Variants in WWOX observed in about 807,000 individuals in gnomAD.
WWOX encodes WW domain containing oxidoreductase.
A neutral mutation model predicts 46.2 loss-of-function variants in WWOX; 69 were observed. The observed-to-expected ratio is 1.49, with a 90% CI of 1.23 to 1.82. The LOEUF is 1.82. WWOX is among the 40% of genes most tolerant of loss of function. The probability of loss-of-function intolerance (pLI) is 0.00; values close to 1 mark genes in which losing one functional copy is unlikely to be tolerated. For missense variants in WWOX, 919 were observed against 542.6 expected (o/e 1.69, Z -6.89); for synonymous variants, 359 against 202.6 (o/e 1.77, Z -6.56).
intron 8 of WWOX, among the ~76,000 whole-genome samples, chr16:79,128,339 TAAA>T (rs5818202): frequency 6.8e-6 from 1 of 148,086 alleles, no homozygotes; most frequent in African/African-American, 2.5e-5. Context: ...AGCTAAGAGT[TAAA>T]AAAAAAATAG....
At chr16:78,773,134 G>A (rs1353910649) in intron 8 of WWOX, among the ~76,000 whole-genome samples, 3 of 152,206 alleles carry the variant, frequency 2.0e-5, no homozygotes, top group African/African-American at 4.8e-5. Context: ...GCTTCATGAG[G>A]GCAGGGGACT....
rs527884881 is a variant in WWOX, at chr16:78,618,339, C to A, written c.1056+185587C>A. Among the ~76,000 whole-genome samples the A allele has an allele frequency of 5.9e-5, 9 of 152,300 alleles. No individual in the cohort carries two copies. The East Asian group carries it at 1.7e-3, about 29-fold the overall frequency. The stretch of plus-strand genomic sequence containing the variant: ...CTTAAACAACAGGAATGTAGTTCCT[C>A]ACAGTTCTGGAGGTTGGGAGTCCTA... On this transcript the variant is annotated intron_variant, in intron 8 of 8. Transcript: ENST00000566780.
chr16:78,336,046 C>G (rs1048631284), intron 5 of WWOX, among the ~76,000 whole-genome samples: 5 of 151,940 alleles, frequency 3.3e-5, no homozygotes, highest in Middle Eastern at 3.4e-3. Flanking sequence ...GAGCCGAGAT[C>G]AGGCCACTGC....
chr16:78,210,800 A>G (rs968619499), intron 5 of WWOX, among the ~76,000 whole-genome samples: 11 of 152,168 alleles, frequency 7.2e-5, no homozygotes, highest in Non-Finnish European at 1.5e-4. Flanking sequence ...CCCAGTTATA[A>G]TTCTCCAAAG....
chr16:79,088,202 G>T (rs1360826555), intron 8 of WWOX, among the ~76,000 whole-genome samples: 1 of 152,180 alleles, frequency 6.6e-6, no homozygotes, highest in African/African-American at 2.4e-5. Context: ...GCTAGGCTCA[G>T]TCCACGGGGT....
At chr16:78,654,015 A>G (rs145288436) in intron 8 of WWOX, among the ~76,000 whole-genome samples, 9 of 152,356 alleles carry the variant, frequency 5.9e-5, no homozygotes, top group South Asian at 2.1e-4. Flanking sequence ...GGTCGTATCC[A>G]GCTTTGGGAA....
chr16:78,365,801 A>C (rs1396893227), intron 5 of WWOX, among the ~76,000 whole-genome samples: 1 of 152,210 alleles, frequency 6.6e-6, no homozygotes, highest in Admixed American at 6.5e-5. Flanking sequence ...GGCTCCCCCC[A>C]CCAAATTTCT....
At chr16:78,398,584 A>G (rs575857988) in intron 6 of WWOX, among the ~76,000 whole-genome samples, 17 of 152,312 alleles carry the variant, frequency 1.1e-4, no homozygotes, top group African/African-American at 4.1e-4. Context: ...ATCATTGTAC[A>G]TGGAATACTT....
At chr16:79,123,045 T>C (rs542500514) in intron 8 of WWOX, among the ~76,000 whole-genome samples, 14 of 152,332 alleles carry the variant, frequency 9.2e-5, no homozygotes, top group Admixed American at 8.5e-4. Context: ...ATGGGCCTTC[T>C]CCGCCTTCAA....
rs187493117 is a variant in WWOX at position 78,634,478 on chromosome 16, C to T, written c.1056+201726C>T. 5.3e-3 allele frequency among the ~76,000 whole-genome samples: 812 copies of T among 152,038 alleles called. 6 individuals are homozygous for T. The highest frequency in any genetic ancestry group is 8.6e-3 in the Non-Finnish European group (583 of 67,988). Reference sequence around the variant, plus strand: ...ATCCCAGCACTTTGGGAGGGCGAGGCGGGCAGATCACAAGGTCAGGAGTTC... The same window carrying T: ...ATCCCAGCACTTTGGGAGGGCGAGGTGGGCAGATCACAAGGTCAGGAGTTC... On this transcript the variant is annotated intron_variant, in intron 8 of 8. Transcript: ENST00000566780.
At chr16:78,482,721 T>C (rs546293240) in intron 8 of WWOX, among the ~76,000 whole-genome samples, 38 of 152,270 alleles carry the variant, frequency 2.5e-4, no homozygotes, top group African/African-American at 7.2e-4. Context: ...AGCTGGTAAG[T>C]GGCAGAGCAC....
At chr16:78,899,945 C>A (rs192433518) in intron 8 of WWOX, among the ~76,000 whole-genome samples, 1 of 151,996 alleles carries the variant, frequency 6.6e-6, no homozygotes, top group African/African-American at 2.4e-5. Context: ...GAAGCTGTAC[C>A]CTTGGTACTA....
intron 8 of WWOX, among the ~76,000 whole-genome samples, chr16:78,834,099 T>G (rs1378615529): frequency 6.6e-6 from 1 of 152,238 alleles, no homozygotes; most frequent in African/African-American, 2.4e-5. Flanking sequence ...GTCGAACGTC[T>G]GGAACTGAGC....
intron 8 of WWOX, among the ~76,000 whole-genome samples, chr16:78,557,074 A>C (rs2044315912): frequency 6.6e-6 from 1 of 152,154 alleles, no homozygotes; most frequent in African/African-American, 2.4e-5. Context: ...GATTGTCCTA[A>C]GTGAGAAGCA....
intron 8 of WWOX, among the ~76,000 whole-genome samples, chr16:78,881,655 G>C (rs140242603): frequency 4.0e-4 from 61 of 152,248 alleles, no homozygotes; most frequent in African/African-American, 1.4e-3. Flanking sequence ...GCTCCATTGT[G>C]TTAAATACAG....
intron 8 of WWOX, among the ~76,000 whole-genome samples, chr16:78,458,330 A>T (rs1027150873): frequency 6.7e-6 from 1 of 149,520 alleles, no homozygotes; most frequent in African/African-American, 2.5e-5. Flanking sequence ...GCGTGATCAC[A>T]GCTCACTGCA....
At chr16:78,294,220 C>G (rs2079906465) in intron 5 of WWOX, among the ~76,000 whole-genome samples, 1 of 152,058 alleles carries the variant, frequency 6.6e-6, no homozygotes, top group Admixed American at 6.6e-5. Context: ...TCCACGAGTT[C>G]CTAACCACCT....
At chr16:78,934,177 T>A (rs1470776084) in intron 8 of WWOX, among the ~76,000 whole-genome samples, 1 of 150,760 alleles carries the variant, frequency 6.6e-6, no homozygotes, top group Admixed American at 6.6e-5. Flanking sequence ...CTACTAAAAA[T>A]AGAAAAAGAA....
intron 8 of WWOX, among the ~76,000 whole-genome samples, chr16:78,968,282 C>G (rs1291965095): frequency 6.6e-6 from 1 of 152,222 alleles, no homozygotes; most frequent in African/African-American, 2.4e-5. Context: ...AACTGTGCCC[C>G]ATAGTCCTAC....
Sources: gnomAD v4.1 joint callset for allele counts (sites outside exome capture counted in the v4.1 genomes callset) on GRCh38, gnomAD v4.1.1 for gene constraint, MANE v1.5 for transcripts, NCBI Gene and HGNC (gene_info 2026-07-23, HGNC 2026-07-21) for gene names.